Variants in LOC122539214 observed in about 807,000 individuals in gnomAD.
At chr19:52,663,547 A>C in the LOC122539214 span, among the ~76,000 whole-genome samples, 1 of 152,240 alleles carries the variant, frequency 6.6e-6, no homozygotes, top group Admixed American at 6.5e-5. Context: ...TGAGGAAAGA[A>C]AATGGAGTAA....
the LOC122539214 span, among the ~76,000 whole-genome samples, chr19:52,689,503 C>T: frequency 1.1e-4 from 16 of 152,240 alleles, 1 homozygote; most frequent in South Asian, 2.5e-3. Flanking sequence ...GCTCCAAATC[C>T]CTCCTCCTCT....
At chr19:52,667,279 T>C in the LOC122539214 span, among the ~76,000 whole-genome samples, 82 of 149,900 alleles carry the variant, frequency 5.5e-4, no homozygotes, top group African/African-American at 1.9e-3. Context: ...GAATGTTATA[T>C]GGTAAATTCT....
chr19:52,652,870 G>C, the LOC122539214 span: 1 of 1,017,766 alleles, frequency 9.8e-7, no homozygotes, highest in South Asian at 1.3e-5. Context: ...ATGACTGAAG[G>C]TCTTGCCACA....
At chr19:52,680,787 T>A in the LOC122539214 span, among the ~76,000 whole-genome samples, 1 of 147,574 alleles carries the variant, frequency 6.8e-6, no homozygotes, top group African/African-American at 2.6e-5. Flanking sequence ...TAATTTTTTG[T>A]ATTTTTAGTA....
chr19:52,675,152 G>A, the LOC122539214 span, among the ~76,000 whole-genome samples: 7 of 152,150 alleles, frequency 4.6e-5, no homozygotes, highest in Admixed American at 2.0e-4. Flanking sequence ...TAAAGCTTGC[G>A]TTACTTGAAG....
chr19:52,678,246 T>G, the LOC122539214 span, among the ~76,000 whole-genome samples: 1 of 151,286 alleles, frequency 6.6e-6, no homozygotes, highest in Non-Finnish European at 1.5e-5. Context: ...AGATCAGTAG[T>G]TCAAGACCAG....
chr19:52,678,206 A>C, the LOC122539214 span, among the ~76,000 whole-genome samples: 1 of 152,036 alleles, frequency 6.6e-6, no homozygotes, highest in South Asian at 2.1e-4. Flanking sequence ...TAATCCTAGC[A>C]CTTTGGGAGG....
the LOC122539214 span, among the ~76,000 whole-genome samples, chr19:52,659,973 A>C: frequency 6.6e-6 from 1 of 152,100 alleles, no homozygotes; most frequent in Non-Finnish European, 1.5e-5. Context: ...CGGGCAGATC[A>C]TGAGGTCAGG....
the LOC122539214 span, among the ~76,000 whole-genome samples, chr19:52,683,977 C>T: frequency 0.14 from 20,948 of 152,146 alleles, 1,516 homozygotes; most frequent in African/African-American, 0.16. Flanking sequence ...CTCCCGTCTG[C>T]AATTCCAGTA....
At chr19:52,680,606 ATTTTTTTTTTTT>A in the LOC122539214 span, among the ~76,000 whole-genome samples, 1 of 88,946 alleles carries the variant, frequency 1.1e-5, no homozygotes, top group East Asian at 3.9e-4. Flanking sequence ...TCCACAAAAT[ATTTTTTTTTTTT>A]TTTTTTTTTT....
At chr19:52,669,674 C>T in the LOC122539214 span, among the ~76,000 whole-genome samples, 5 of 152,136 alleles carry the variant, frequency 3.3e-5, no homozygotes, top group African/African-American at 1.2e-4. Flanking sequence ...TAAATGACCC[C>T]TTTTCAGGAT....
the LOC122539214 span, among the ~76,000 whole-genome samples, chr19:52,683,228 C>CTGTGTGTGTGTG: frequency 1.0e-3 from 130 of 128,054 alleles, 2 homozygotes; most frequent in East Asian, 0.01. Context: ...CCCTGTGACT[C>CTGTGTGTGTGTG]TGTGTGTGTG....
the LOC122539214 span, among the ~76,000 whole-genome samples, chr19:52,689,150 A>G: frequency 6.6e-6 from 1 of 152,172 alleles, no homozygotes; most frequent in Non-Finnish European, 1.5e-5. Context: ...CTGTATAATT[A>G]ACTGCTTTTG....
the LOC122539214 span, chr19:52,653,172 A>G: frequency 1.3e-6 from 2 of 1,496,720 alleles, no homozygotes; most frequent in Non-Finnish European, 1.9e-6. Context: ...TATGAAGTCT[A>G]CGATGGCCCA....
the LOC122539214 span, among the ~76,000 whole-genome samples, chr19:52,673,951 G>A: frequency 6.8e-6 from 1 of 146,992 alleles, no homozygotes; most frequent in Non-Finnish European, 1.5e-5. Flanking sequence ...GAGAGGTGGA[G>A]GCCGCAGTGA....
chr19:52,678,848 G>T, the LOC122539214 span, among the ~76,000 whole-genome samples: 2 of 151,978 alleles, frequency 1.3e-5, no homozygotes, highest in East Asian at 1.9e-4. Flanking sequence ...GGTGGTACAT[G>T]CCTGTAATCC....
the LOC122539214 span, among the ~76,000 whole-genome samples, chr19:52,675,102 A>G: frequency 6.6e-6 from 1 of 152,238 alleles, no homozygotes; most frequent in Non-Finnish European, 1.5e-5. Context: ...CTGAAGGCTG[A>G]CAAATCTTAT....
chr19:52,680,335 C>T, the LOC122539214 span, among the ~76,000 whole-genome samples: 1 of 152,134 alleles, frequency 6.6e-6, no homozygotes, highest in Non-Finnish European at 1.5e-5. Flanking sequence ...CACATCACTT[C>T]CCTGTATAAA....
the LOC122539214 span, among the ~76,000 whole-genome samples, chr19:52,657,717 C>A: frequency 6.6e-6 from 1 of 151,860 alleles, no homozygotes; most frequent in Non-Finnish European, 1.5e-5. Context: ...TGTGGTGGTG[C>A]ATGCTTGTAA....
Sources: allele counts gnomAD v4.1 joint callset (sites outside exome capture counted in the v4.1 genomes callset), GRCh38; gene constraint gnomAD v4.1.1; transcripts MANE v1.5.